LOXL2: variants seen among roughly 807,000 people sequenced by gnomAD.
The protein encoded by LOXL2 is lysyl oxidase homolog 2.
In LOXL2, 70 loss-of-function variants were observed where a neutral mutation model predicts 93.0. That is an observed-to-expected ratio of 0.75 (90% CI 0.62 to 0.92). The LOEUF is 0.92. Ranked by LOEUF, LOXL2 falls within the 40% of genes least tolerant of loss-of-function variation. The probability of loss-of-function intolerance (pLI) is 0.00; values close to 1 mark genes in which losing one functional copy is unlikely to be tolerated. For missense variants in LOXL2, 973 were observed against 1,054.9 expected (o/e 0.92, Z 1.08); for synonymous variants, 438 against 413.2 (o/e 1.06, Z -0.73).
intron 4 of LOXL2, among the ~76,000 whole-genome samples, chr8:23,335,752 C>A (rs1194030875): frequency 6.6e-6 from 1 of 152,168 alleles, no homozygotes; most frequent in East Asian, 1.9e-4. Context: ...GGCGAGGTCC[C>A]ATCCCTGCTG....
intron 1 of LOXL2, among the ~76,000 whole-genome samples, chr8:23,376,486 A>T (rs1050761532): frequency 6.6e-6 from 1 of 151,950 alleles, no homozygotes; most frequent in African/African-American, 2.4e-5. Context: ...CTCTTTTTCT[A>T]TTGATTGGAA....
chr8:23,311,338 G>A (rs944838197), intron 9 of LOXL2, among the ~76,000 whole-genome samples: 5 of 152,222 alleles, frequency 3.3e-5, no homozygotes, highest in South Asian at 2.1e-4. Context: ...GGTGGGGCAC[G>A]GAAGCCGTAA....
intron 1 of LOXL2, among the ~76,000 whole-genome samples, 171 bp from the exon 2 acceptor site, chr8:23,368,605 C>T (rs944178574): frequency 6.6e-6 from 1 of 152,242 alleles, no homozygotes; most frequent in Non-Finnish European, 1.5e-5. Context: ...GTCCCACCTC[C>T]TTTACCTACT....
intron 3 of LOXL2, among the ~76,000 whole-genome samples, chr8:23,347,074 T>G (rs1456174272): frequency 3.3e-5 from 5 of 152,054 alleles, no homozygotes; most frequent in Non-Finnish European, 5.9e-5. Flanking sequence ...ATCCCAGCAC[T>G]TTGGGAGGCT....
At chr8:23,387,000 G>A (rs1332842378) in intron 1 of LOXL2, among the ~76,000 whole-genome samples, 1 of 152,214 alleles carries the variant, frequency 6.6e-6, no homozygotes, top group East Asian at 1.9e-4. Context: ...TCTGGGAGCT[G>A]CCGTGGCAGA....
chr8:23,365,732 C>T (rs1036435486), intron 2 of LOXL2: 1 of 152,224 alleles, frequency 6.6e-6, no homozygotes, highest in Non-Finnish European at 1.5e-5. Context: ...TTGCACCCAC[C>T]CTTCAATCTC....
At chr8:23,311,136 G>C (rs1196296368) in intron 9 of LOXL2, among the ~76,000 whole-genome samples, 2 of 152,178 alleles carry the variant, frequency 1.3e-5, no homozygotes, top group Non-Finnish European at 2.9e-5. Flanking sequence ...AGCACGTGGA[G>C]TGAGCTCTGT....
intron 10 of LOXL2, among the ~76,000 whole-genome samples, chr8:23,305,070 T>C (rs970526004): frequency 1.3e-5 from 2 of 152,092 alleles, no homozygotes; most frequent in Non-Finnish European, 2.9e-5. Context: ...TTTGTGGCCG[T>C]GGAAGTGACG....
intron 1 of LOXL2, among the ~76,000 whole-genome samples, chr8:23,373,834 C>G (rs1375184763): frequency 6.6e-6 from 1 of 152,046 alleles, no homozygotes; most frequent in Non-Finnish European, 1.5e-5. Context: ...TACCCCCAGC[C>G]TGGCACTGTC....
chr8:23,383,506 C>G (rs1379147934), intron 1 of LOXL2, among the ~76,000 whole-genome samples: 2 of 152,066 alleles, frequency 1.3e-5, no homozygotes, highest in Non-Finnish European at 2.9e-5. Flanking sequence ...TTCCAATATT[C>G]ACATCCTATC....
At chr8:23,303,424 G>T in intron 10 of LOXL2, 27 bp from the exon 11 acceptor site, 2 of 1,393,044 alleles carry the variant, frequency 1.4e-6, no homozygotes, top group Non-Finnish European at 2.0e-6. Flanking sequence ...ATGGCCTGGA[G>T]GTCAGTTTCT....
At chr8:23,355,612 T>A (rs1804185102) in intron 3 of LOXL2, among the ~76,000 whole-genome samples, 1 of 149,068 alleles carries the variant, frequency 6.7e-6, no homozygotes, top group Admixed American at 6.7e-5. Flanking sequence ...ATTTGTTCTT[T>A]TTTTTTTTTT....
At chr8:23,304,283 G>A (rs1432048261) in intron 10 of LOXL2, among the ~76,000 whole-genome samples, 2 of 152,224 alleles carry the variant, frequency 1.3e-5, no homozygotes, top group African/African-American at 4.8e-5. Context: ...CAGAGTCTTG[G>A]AACACATGCG....
Position 23,302,054 on chromosome 8 carries a change from G to A in LOXL2, c.2106C>T (p.Asp702=), listed in dbSNP as rs546152513. 47 of 1,614,140 alleles carry A rather than the reference G, an allele frequency of 2.9e-5. No individual in the cohort carries two copies. The South Asian group carries it at 3.8e-4, about 13-fold the overall frequency. The change falls in exon 12 of 14, where the codon GAC becomes GAT. Residue 702 remains aspartate, a synonymous_variant. Transcript: ENST00000389131. ...GGAACAGGTAGTCTCCAGGGGGCACGTCAGTGATGTCAACCCACTGGCAGT... is the reference window on the plus strand; with the variant it reads ...GGAACAGGTAGTCTCCAGGGGGCACATCAGTGATGTCAACCCACTGGCAGT... The part of the protein sequence containing the change: ...DIDCQWVDIT[D]VPPGDYLFQV...
At chr8:23,345,726 C>G (rs1457012526) in intron 3 of LOXL2, among the ~76,000 whole-genome samples, 2 of 122,382 alleles carry the variant, frequency 1.6e-5, no homozygotes, top group African/African-American at 7.8e-5. Flanking sequence ...AATATACACA[C>G]ACTTTTTTTT....
intron 7 of LOXL2, among the ~76,000 whole-genome samples, chr8:23,321,207 G>A (rs987258822): frequency 1.3e-5 from 2 of 152,214 alleles, no homozygotes; most frequent in African/African-American, 4.8e-5. Context: ...GCTGCGGAAT[G>A]TGGCTGCCTC....
At position 23,309,744 on chromosome 8, in the gene LOXL2, GGGA is replaced by G; in HGVS notation, c.1801_1803del (p.Ser601del). On this transcript the variant is annotated inframe_deletion, in exon 10 of 14. Transcript: ENST00000389131. ...TCGGACTGGCCATTGTTGTGGATCT[GGGA>G]GGAGAAGCGCAGGAGCCGGCGGTAG... 4 of 1,601,344 alleles carry G rather than the reference GGGA, an allele frequency of 2.5e-6. No individual in the cohort carries two copies. The highest frequency in any genetic ancestry group is 1.3e-5 in the African/African-American group (1 of 74,562).
chr8:23,320,321 G>T (rs565182506), intron 7 of LOXL2, among the ~76,000 whole-genome samples: 1 of 152,292 alleles, frequency 6.6e-6, no homozygotes, highest in Non-Finnish European at 1.5e-5. Flanking sequence ...TGCTCCCCAT[G>T]AGCCTATCAG....
intron 1 of LOXL2, among the ~76,000 whole-genome samples, chr8:23,369,129 A>AC (rs1440629056): frequency 1.3e-5 from 2 of 152,080 alleles, no homozygotes; most frequent in Non-Finnish European, 2.9e-5. Context: ...CAACACACCC[A>AC]CCCTCCATTA....
Sources: gnomAD v4.1 joint callset for allele counts (sites outside exome capture counted in the v4.1 genomes callset) on GRCh38, gnomAD v4.1.1 for gene constraint, MANE v1.5 for transcripts, NCBI Gene and HGNC (gene_info 2026-07-23, HGNC 2026-07-21) for gene names.